The following FARS2 variants were observed in gnomAD, a reference collection of about 807,000 sequenced individuals.
The protein encoded by FARS2 is phenylalanyl-tRNA synthetase 2, mitochondrial.
FARS2 carries 40 observed loss-of-function variants against 46.4 expected under a neutral mutation model. The observed-to-expected ratio is 0.86, with a 90% CI of 0.67 to 1.12. The LOEUF is 1.12. FARS2 is among the 50% of genes most tolerant of loss of function. FARS2 has a pLI of 0.00. For missense variants in FARS2, 513 were observed against 567.9 expected (o/e 0.90, Z 0.98); for synonymous variants, 234 against 214.9 (o/e 1.09, Z -0.78).
chr6:5,471,411 T>C lies in FARS2; in HGVS notation c.904+40239T>C, dbSNP rs1170822410. Among the ~76,000 whole-genome samples, 1 of 152,204 alleles carries C rather than the reference T, an allele frequency of 6.6e-6. No individual in the cohort carries two copies. Among genetic ancestry groups the C allele is most frequent in the Non-Finnish European group, 1.5e-5 (1 of 68,038 alleles). On this transcript the variant is annotated intron_variant, in intron 4 of 6. Coordinates refer to ENST00000274680, the MANE Select transcript of FARS2 (RefSeq NM_006567.5). This position sits in a 1 kb window ranked among gnomAD's most constrained non-coding sequence, Gnocchi z 4.1. The stretch of plus-strand genomic sequence containing the variant: ...TTCTCTTACCTTTTCTTGCTCTGGC[T>C]AATATCCCAACTAGCCCTTCATTTA...
At chr6:5,769,534 G>A (rs1167211337) in intron 6 of FARS2, among the ~76,000 whole-genome samples, 1 of 152,200 alleles carries the variant, frequency 6.6e-6, no homozygotes, top group Non-Finnish European at 1.5e-5. Context: ...GGGCAGTTTG[G>A]GCAGCAGTGC....
intron 4 of FARS2, among the ~76,000 whole-genome samples, chr6:5,479,907 T>A (rs759980836): frequency 1.3e-5 from 2 of 152,118 alleles, no homozygotes; most frequent in Non-Finnish European, 2.9e-5. Flanking sequence ...CACAACCCTC[T>A]GCTCCTCAGG....
At chr6:5,412,003 T>G (rs181411757) in intron 3 of FARS2, among the ~76,000 whole-genome samples, 1 of 152,234 alleles carries the variant, frequency 6.6e-6, no homozygotes, top group Non-Finnish European at 1.5e-5. Context: ...TGCTAAACAT[T>G]GGCATTTCCC....
At chr6:5,323,524 T>TCTTA (rs1770133910) in intron 1 of FARS2, among the ~76,000 whole-genome samples, 1 of 152,210 alleles carries the variant, frequency 6.6e-6, no homozygotes, top group Admixed American at 6.5e-5. Flanking sequence ...AGACTTAGGC[T>TCTTA]TTTAAGTCTT....
chr6:5,469,047 G>T (rs186395568), intron 4 of FARS2, among the ~76,000 whole-genome samples: 20 of 152,262 alleles, frequency 1.3e-4, no homozygotes, highest in Middle Eastern at 3.4e-3. Context: ...GTCATTTCAA[G>T]CCTGATGAGA....
intron 1 of FARS2, among the ~76,000 whole-genome samples, chr6:5,304,713 A>G (rs1268158464): frequency 6.6e-6 from 1 of 152,232 alleles, no homozygotes; most frequent in Non-Finnish European, 1.5e-5. Context: ...GACACCATGC[A>G]TTGCCTTTGT....
At chr6:5,713,815 G>A (rs543189872) in intron 6 of FARS2, among the ~76,000 whole-genome samples, 13 of 152,318 alleles carry the variant, frequency 8.5e-5, no homozygotes, top group Admixed American at 2.0e-4. Flanking sequence ...GGTGTAACAC[G>A]GCCCCTCCCC....
intron 5 of FARS2, among the ~76,000 whole-genome samples, chr6:5,573,665 G>T (rs996049610): frequency 5.9e-5 from 9 of 151,998 alleles, no homozygotes; most frequent in African/African-American, 1.5e-4. Flanking sequence ...TGTTTCCATT[G>T]CCCTTTGTTT....
chr6:5,353,726 G>GTTTTTTTTTTTTTT (rs55998904), intron 1 of FARS2, among the ~76,000 whole-genome samples: 17 of 40,384 alleles, frequency 4.2e-4, no homozygotes, highest in East Asian at 1.3e-3. Context: ...AATATTTGGT[G>GTTTTTTTTTTTTTT]TTTTTTTTTT....
chr6:5,624,509 C>T (rs570276077), intron 6 of FARS2, among the ~76,000 whole-genome samples: 1 of 152,346 alleles, frequency 6.6e-6, no homozygotes, highest in South Asian at 2.1e-4. Context: ...AGAAGCCGGG[C>T]GCTGAAGGAG....
chr6:5,533,235 T>C (rs1209206977), intron 4 of FARS2, among the ~76,000 whole-genome samples: 1 of 152,198 alleles, frequency 6.6e-6, no homozygotes, highest in Non-Finnish European at 1.5e-5. Context: ...TTTCTGTTAC[T>C]TTGTGTGTTC....
chr6:5,767,830 A>G (rs976197470), intron 6 of FARS2, among the ~76,000 whole-genome samples: 3 of 152,188 alleles, frequency 2.0e-5, no homozygotes, highest in Non-Finnish European at 4.4e-5. Context: ...CAGATGGAAG[A>G]CTGAAAAGGG....
intron 1 of FARS2, among the ~76,000 whole-genome samples, chr6:5,335,559 A>G (rs1771096128): frequency 6.6e-6 from 1 of 152,190 alleles, no homozygotes; most frequent in Non-Finnish European, 1.5e-5. Context: ...TTTGGGAACA[A>G]ATATTCTTAG....
At chr6:5,691,620 A>T (rs1757723956) in intron 6 of FARS2, among the ~76,000 whole-genome samples, 2 of 152,316 alleles carry the variant, frequency 1.3e-5, no homozygotes, top group African/African-American at 4.8e-5. Context: ...CCTCCCAGTT[A>T]GGCTACTCAG....
intron 5 of FARS2, among the ~76,000 whole-genome samples, chr6:5,602,588 A>C (rs1039893346): frequency 7.5e-6 from 1 of 132,694 alleles, no homozygotes; most frequent in Non-Finnish European, 1.6e-5. Context: ...CAGAGGTTGC[A>C]GTGAGCCGAG....
chr6:5,710,114 T>C (rs1310484783), intron 6 of FARS2, among the ~76,000 whole-genome samples: 1 of 152,170 alleles, frequency 6.6e-6, no homozygotes, highest in African/African-American at 2.4e-5. Context: ...CTTCTGATGG[T>C]CCTGGAGAGC....
chr6:5,592,232 A>T (rs533853479), intron 5 of FARS2, among the ~76,000 whole-genome samples: 1 of 152,264 alleles, frequency 6.6e-6, no homozygotes, highest in East Asian at 1.9e-4. Flanking sequence ...AAAAAAATAC[A>T]AAAATTAGCC....
intron 1 of FARS2, among the ~76,000 whole-genome samples, chr6:5,361,964 T>C (rs1179452805): frequency 2.0e-5 from 3 of 152,224 alleles, no homozygotes; most frequent in Non-Finnish European, 4.4e-5. Flanking sequence ...CAAACATTTA[T>C]TCAGTATTTT....
intron 4 of FARS2, among the ~76,000 whole-genome samples, chr6:5,474,611 G>T (rs1194865500): frequency 6.7e-6 from 1 of 150,272 alleles, no homozygotes; most frequent in Non-Finnish European, 1.5e-5. Context: ...GTACATTTTT[G>T]TATATCTGAG....
Sources: gnomAD v4.1 joint callset for allele counts (sites outside exome capture counted in the v4.1 genomes callset) on GRCh38, gnomAD v4.1.1 for gene constraint, Gnocchi (gnomAD v3.1) non-coding constraint, MANE v1.5 for transcripts, NCBI Gene and HGNC (gene_info 2026-07-23, HGNC 2026-07-21) for gene names.